The following MCTP2 variants were observed in gnomAD, a reference collection of about 807,000 sequenced individuals.
The protein encoded by MCTP2 is multiple C2 and transmembrane domain containing 2, also known as multiple C2 and transmembrane domain-containing protein 2.
In MCTP2, 132 loss-of-function variants were observed where a neutral mutation model predicts 111.6. That is an observed-to-expected ratio of 1.18 (90% confidence interval 1.03 to 1.37). The LOEUF is 1.37. Among genes scored for constraint, MCTP2 ranks in the 40% most tolerant of loss-of-function variants. MCTP2 has a pLI of 0.00. For missense variants in MCTP2, 1,183 were observed against 1,067.9 expected (o/e 1.11, Z -1.50); for synonymous variants, 395 against 387.7 (o/e 1.02, Z -0.22).
Position 94,322,527 on chromosome 15 carries a change from C to G in MCTP2, c.637+6890C>G, listed in dbSNP as rs139769369. ...ATAAACAAATGAACATAGCTGTTTT[C>G]CAATATAAATTTATTTACAAAAACA... is the stretch of plus-strand genomic sequence containing the variant. On this transcript the variant is annotated intron_variant, in intron 4 of 22. Coordinates refer to ENST00000357742, the MANE Select transcript of MCTP2 (RefSeq NM_001385001.1). Among the ~76,000 whole-genome samples, 483 of 152,178 alleles carry G rather than the reference C, an allele frequency of 3.2e-3. 1 individual carries two copies. The highest frequency in any genetic ancestry group is 0.011 in the African/African-American group (450 of 41,512).
intron 8 of MCTP2, among the ~76,000 whole-genome samples, chr15:94,352,979 T>C (rs777722962): frequency 4.6e-5 from 7 of 152,186 alleles, no homozygotes; most frequent in Non-Finnish European, 1.0e-4. Flanking sequence ...GATGAAACTT[T>C]ATTTGAAAAA....
At chr15:94,299,158 T>C (rs1465476286) in intron 2 of MCTP2, among the ~76,000 whole-genome samples, 2 of 151,130 alleles carry the variant, frequency 1.3e-5, no homozygotes, top group Non-Finnish European at 2.9e-5. Context: ...TTGCACCCAG[T>C]GTTCCCATTA....
Position 94,421,497 on chromosome 15 carries a change from G to A in MCTP2, c.2086-18679G>A, listed in dbSNP as rs117511385. Reference sequence around the variant, plus strand: ...CTCACTGGGCTAAAATTAAGGGAGGGCTCTTTTTCCATCTGGAGGATCTAG... The same window carrying A: ...CTCACTGGGCTAAAATTAAGGGAGGACTCTTTTTCCATCTGGAGGATCTAG... On this transcript the variant is annotated intron_variant, in intron 17 of 22. Coordinates refer to ENST00000357742, the MANE Select transcript of MCTP2 (RefSeq NM_001385001.1). Among the ~76,000 whole-genome samples, 20 of 152,302 alleles carry A rather than the reference G, an allele frequency of 1.3e-4. No homozygotes were observed. The East Asian group carries it at 3.3e-3, about 25-fold the overall frequency.
Position 94,276,827 on chromosome 15 carries a change from T to C in MCTP2, c.-65-21374T>C, listed in dbSNP as rs533148886. On this transcript the variant is annotated intron_variant, in intron 1 of 22. Transcript: ENST00000357742. ...TTCAGCACTTGTCCATCTTAAGAGC[T>C]GTTAGTAAACTAACCCAAAAAAAAA... Among the ~76,000 whole-genome samples, 3 of 131,630 alleles carry C rather than the reference T, an allele frequency of 2.3e-5. No homozygotes were observed. In the East Asian group the frequency reaches 6.5e-4, roughly 29 times the overall value. The allele number at this position is 131,630 out of a possible 152,430, so 86.4% of individuals were successfully genotyped here.
intron 19 of MCTP2, among the ~76,000 whole-genome samples, chr15:94,453,430 C>T (rs2084594672): frequency 6.6e-6 from 1 of 152,212 alleles, no homozygotes; most frequent in South Asian, 2.1e-4. Flanking sequence ...CATGTGATGT[C>T]TACCGGCCCA....
intron 19 of MCTP2, among the ~76,000 whole-genome samples, chr15:94,452,426 G>A (rs918569706): frequency 1.3e-5 from 2 of 152,186 alleles, no homozygotes; most frequent in African/African-American, 4.8e-5. Flanking sequence ...AAGCCATCAA[G>A]CTTGAGTTGG....
At chr15:94,322,994 T>A (rs1272937021) in intron 4 of MCTP2, among the ~76,000 whole-genome samples, 2 of 152,212 alleles carry the variant, frequency 1.3e-5, no homozygotes, top group Non-Finnish European at 2.9e-5. Context: ...TCTGCTGTGA[T>A]GCCGTCAGCG....
At chr15:94,302,426 A>G (rs2075661458) in intron 2 of MCTP2, among the ~76,000 whole-genome samples, 1 of 152,232 alleles carries the variant, frequency 6.6e-6, no homozygotes, top group Admixed American at 6.5e-5. Flanking sequence ...AAAAGAGGAA[A>G]GTAAGCATGA....
rs771073821 is a variant in MCTP2, at chr15:94,476,663, GATAAA to G, written c.2471-32_2471-28del. ...AGATAGATAGATAGACAGACAGACA[GATAAA>G]GAGATCTCCTGTGTTTCTATTTTTC... On this transcript the variant is annotated intron_variant, in intron 21 of 22. Coordinates refer to ENST00000357742, the MANE Select transcript of MCTP2 (RefSeq NM_001385001.1). 5.6e-6 allele frequency: 6 copies of G among 1,071,230 alleles called. No individual in the cohort carries two copies. In the African/African-American group the frequency reaches 9.4e-5, roughly 17 times the overall value. The allele number at this position is 1,071,230 out of a possible 1,614,324, so 66.4% of individuals were successfully genotyped here. A position where few individuals can be genotyped will look rare whatever the true frequency, so the allele number is the denominator to read the frequency against.
chr15:94,304,831 G>A (rs1348343527), intron 2 of MCTP2, among the ~76,000 whole-genome samples: 1 of 152,170 alleles, frequency 6.6e-6, no homozygotes, highest in African/African-American at 2.4e-5. Flanking sequence ...AGTCCAGGAA[G>A]CCTGGATTTT....
At chr15:94,373,096 G>A (rs2079573650) in intron 12 of MCTP2, among the ~76,000 whole-genome samples, 1 of 152,152 alleles carries the variant, frequency 6.6e-6, no homozygotes, top group South Asian at 2.1e-4. Flanking sequence ...AGGAGTGAAT[G>A]CATATGGTAA....
chr15:94,343,700 C>G (rs983197313), intron 7 of MCTP2: 5 of 152,160 alleles, frequency 3.3e-5, no homozygotes, highest in Admixed American at 1.3e-4. Flanking sequence ...ATCCTAGATC[C>G]ACCAGTGGTC....
chr15:94,445,996 GTC>G (rs1194312898), intron 19 of MCTP2, among the ~76,000 whole-genome samples: 1 of 152,174 alleles, frequency 6.6e-6, no homozygotes, highest in African/African-American at 2.4e-5. Context: ...TGTTCTGCCT[GTC>G]TCTGATGCAC....
At chr15:94,413,885 G>C (rs148076762) in intron 17 of MCTP2, among the ~76,000 whole-genome samples, 1 of 152,238 alleles carries the variant, frequency 6.6e-6, no homozygotes, top group Admixed American at 6.5e-5. Context: ...TTTTCTGCTA[G>C]TTAAGGTTCA....
At chr15:94,375,913 A>C (rs977589287) in intron 12 of MCTP2, among the ~76,000 whole-genome samples, 10 of 152,126 alleles carry the variant, frequency 6.6e-5, no homozygotes, top group African/African-American at 2.2e-4. Flanking sequence ...TTCCTCGACC[A>C]CTTTTTAAGT....
chr15:94,359,744 A>G (rs1239439185), intron 10 of MCTP2, among the ~76,000 whole-genome samples: 1 of 152,182 alleles, frequency 6.6e-6, no homozygotes, highest in Non-Finnish European at 1.5e-5. Flanking sequence ...TTTCATCAGT[A>G]AGGTGTTTAG....
chr15:94,457,800 G>A (rs2084930179), intron 19 of MCTP2, among the ~76,000 whole-genome samples: 1 of 152,156 alleles, frequency 6.6e-6, no homozygotes, highest in African/African-American at 2.4e-5. Context: ...GGAGACAGAG[G>A]AAGTCAGAGT....
At position 94,345,100 on chromosome 15, in the gene MCTP2, T is replaced by C. The variant is rs368031205; in HGVS notation, c.970-29T>C. Reference sequence around the variant, plus strand: ...TCTTCCTCTGTTTTATTTTGCCATTTTCACCATTCCGCGGACACAAATCTT... The same window carrying C: ...TCTTCCTCTGTTTTATTTTGCCATTCTCACCATTCCGCGGACACAAATCTT... On this transcript the variant is annotated intron_variant, in intron 7 of 22. Transcript: ENST00000357742. The C allele has an allele frequency of 5.0e-6, 8 of 1,611,694 alleles. No individual in the cohort carries two copies. The African/African-American group carries it at 1.1e-4, about 22-fold the overall frequency.
At chr15:94,345,520 T>C (rs940486396) in intron 8 of MCTP2, among the ~76,000 whole-genome samples, 2 of 152,152 alleles carry the variant, frequency 1.3e-5, no homozygotes, top group African/African-American at 4.8e-5. Flanking sequence ...GTAGGGGCAA[T>C]GTAAGGGTTG....
Sources: allele counts gnomAD v4.1 joint callset (sites outside exome capture counted in the v4.1 genomes callset), GRCh38; gene constraint gnomAD v4.1.1; transcripts MANE v1.5; gene names NCBI Gene and HGNC (gene_info 2026-07-23, HGNC 2026-07-21).